BMP2K: variants seen among roughly 807,000 people sequenced by gnomAD.
BMP2K encodes BMP2 inducible kinase.
Under a neutral mutation model 116.0 loss-of-function variants are expected in BMP2K, and 74 were observed. That is an observed-to-expected ratio of 0.64 (90% confidence interval 0.53 to 0.77). The LOEUF is 0.77. BMP2K is among the 30% of genes least tolerant of loss of function. BMP2K has a pLI of 0.00. For synonymous variants in BMP2K, 486 were observed against 502.5 expected (o/e 0.97, Z 0.44); for missense variants, 1,365 against 1,403.6 (o/e 0.97, Z 0.44).
intron 1 of BMP2K, among the ~76,000 whole-genome samples, chr4:78,779,953 G>A (rs1727425963): frequency 6.6e-6 from 1 of 152,104 alleles, no homozygotes. Context: ...TCTGTACTAA[G>A]CAGATCCCAG....
At chr4:78,808,133 C>T (rs935136922) in intron 1 of BMP2K, among the ~76,000 whole-genome samples, 2 of 152,064 alleles carry the variant, frequency 1.3e-5, no homozygotes, top group African/African-American at 4.8e-5. Flanking sequence ...TGGCTCACTG[C>T]AACCTCTGCC....
chr4:78,820,470 TGTG>T (rs1476026261), intron 1 of BMP2K, among the ~76,000 whole-genome samples: 8 of 152,162 alleles, frequency 5.3e-5, no homozygotes, highest in African/African-American at 1.9e-4. Context: ...TCAAGTTTGA[TGTG>T]TGTGTGAATG....
At chr4:78,780,535 T>TA (rs1727453670) in intron 1 of BMP2K, among the ~76,000 whole-genome samples, 1 of 152,214 alleles carries the variant, frequency 6.6e-6, no homozygotes, top group Non-Finnish European at 1.5e-5. Flanking sequence ...AGGGAAATGA[T>TA]AGATTTAAGC....
At chr4:78,830,569 G>A (rs904611846) in intron 2 of BMP2K, among the ~76,000 whole-genome samples, 1 of 152,150 alleles carries the variant, frequency 6.6e-6, no homozygotes, top group Non-Finnish European at 1.5e-5. Context: ...TCCAATAGAA[G>A]GCTGTTTTGT....
chr4:78,879,064 A>G, intron 14 of BMP2K, 173 bp downstream of exon 14: 1 of 1,372,660 alleles, frequency 7.3e-7, no homozygotes, highest in Non-Finnish European at 9.4e-7. Context: ...TGTGTGCATT[A>G]GAAATCAGTT....
chr4:78,803,797 T>G (rs1006029693), intron 1 of BMP2K, among the ~76,000 whole-genome samples: 2 of 152,228 alleles, frequency 1.3e-5, no homozygotes. Context: ...GGGTGAGTTA[T>G]GAACCTAAGA....
At chr4:78,788,925 A>G (rs1727873527) in intron 1 of BMP2K, among the ~76,000 whole-genome samples, 1 of 147,858 alleles carries the variant, frequency 6.8e-6, no homozygotes, top group Non-Finnish European at 1.5e-5. Flanking sequence ...TAAATACACT[A>G]AAGGTATTTC....
intron 1 of BMP2K, among the ~76,000 whole-genome samples, chr4:78,777,667 C>G (rs1459348124): frequency 6.6e-6 from 1 of 152,096 alleles, no homozygotes; most frequent in African/African-American, 2.4e-5. Context: ...ATAAATGGCC[C>G]TTTTAAGTTC....
chr4:78,847,333 T>G, intron 6 of BMP2K, 64 bp downstream of exon 6: 1 of 1,231,214 alleles, frequency 8.1e-7, no homozygotes, highest in Non-Finnish European at 1.1e-6. Context: ...CAGTTTATTA[T>G]TTTTTACTCT....
At chr4:78,856,502 C>T (rs1040731036) in intron 7 of BMP2K, among the ~76,000 whole-genome samples, 2 of 152,000 alleles carry the variant, frequency 1.3e-5, no homozygotes, top group Non-Finnish European at 2.9e-5. Flanking sequence ...CTTAAAGATG[C>T]CTTATTGATT....
intron 1 of BMP2K, among the ~76,000 whole-genome samples, chr4:78,780,559 T>G (rs1727455197): frequency 6.6e-6 from 1 of 152,236 alleles, no homozygotes; most frequent in South Asian, 2.1e-4. Flanking sequence ...ATATCTCATT[T>G]GCAGAAAGCA....
chr4:78,801,297 C>T (rs1728555960), intron 1 of BMP2K, among the ~76,000 whole-genome samples: 1 of 150,746 alleles, frequency 6.6e-6, no homozygotes, highest in Non-Finnish European at 1.5e-5. Context: ...ATTCACTTGC[C>T]ATGTCTTTTC....
At chr4:78,860,050 A>G (rs752959258) in intron 8 of BMP2K, 4 of 517,462 alleles carry the variant, frequency 7.7e-6, no homozygotes, top group African/African-American at 5.8e-5. Context: ...GTTGTAAACA[A>G]TTACTGAGAC....
At chr4:78,829,097 A>G (rs990808120) in intron 2 of BMP2K, among the ~76,000 whole-genome samples, 2 of 152,246 alleles carry the variant, frequency 1.3e-5, no homozygotes, top group African/African-American at 4.8e-5. Context: ...TTGCCACATC[A>G]GTTGACTTTT....
intron 15 of BMP2K, among the ~76,000 whole-genome samples, chr4:78,895,447 T>G (rs2033061): frequency 6.6e-6 from 1 of 152,024 alleles, no homozygotes; most frequent in African/African-American, 2.4e-5. Flanking sequence ...GTGTTTTGAT[T>G]AAAGGTTGAA....
intron 1 of BMP2K, among the ~76,000 whole-genome samples, chr4:78,817,791 G>A (rs1021999787): frequency 6.6e-6 from 1 of 152,064 alleles, no homozygotes; most frequent in Non-Finnish European, 1.5e-5. Flanking sequence ...CCTCTAGTTG[G>A]TTTTCTGGTG....
intron 7 of BMP2K, among the ~76,000 whole-genome samples, chr4:78,856,110 C>T (rs1358927730): frequency 6.6e-6 from 1 of 152,246 alleles, no homozygotes; most frequent in East Asian, 1.9e-4. Context: ...TAATAAAACA[C>T]TGAACTCGAG....
At chr4:78,854,740 T>TGCTTGTTTTTA (rs928328637) in intron 7 of BMP2K, among the ~76,000 whole-genome samples, 29 of 152,224 alleles carry the variant, frequency 1.9e-4, no homozygotes, top group African/African-American at 7.0e-4. Context: ...GGAATTTGCT[T>TGCTTGTTTTTA]GCTTGTTTTT....
At chr4:78,805,496 A>G (rs938980889) in intron 1 of BMP2K, among the ~76,000 whole-genome samples, 1 of 152,186 alleles carries the variant, frequency 6.6e-6, no homozygotes, top group African/African-American at 2.4e-5. Context: ...CTTTCAGTCT[A>G]TGAGTGAGGA....
Sources: allele counts gnomAD v4.1 joint callset (sites outside exome capture counted in the v4.1 genomes callset), GRCh38; gene constraint gnomAD v4.1.1; transcripts MANE v1.5; gene names NCBI Gene and HGNC (gene_info 2026-07-23, HGNC 2026-07-21).